The following KIF27 variants were observed in gnomAD, a reference collection of about 807,000 sequenced individuals.
The protein encoded by KIF27 is kinesin-like protein KIF27.
In KIF27, 84 loss-of-function variants were observed where a neutral mutation model predicts 141.8. The ratio of observed to expected loss-of-function variants is 0.59; its 90% CI spans 0.50 to 0.71. KIF27 has a LOEUF of 0.71. Among genes scored for constraint, KIF27 ranks in the 30% least tolerant of loss-of-function variants. KIF27 has a pLI of 0.00. For synonymous variants in KIF27, 471 were observed against 569.5 expected (o/e 0.83, Z 2.46); for missense variants, 1,306 against 1,628.4 (o/e 0.80, Z 3.41).
rs1564287949 is a variant in KIF27 at position 83,848,323 on chromosome 9, CTATA to C, written c.3556+1772_3556+1775del. Among the ~76,000 whole-genome samples the C allele has an allele frequency of 5.8e-5, 5 of 86,754 alleles. No individual in the cohort carries two copies. The South Asian group carries it at 1.6e-3, about 28-fold the overall frequency. The allele number at this position is 86,754 out of a possible 152,430, so 56.9% of individuals were successfully genotyped here. ...ATGATATATATGATATATCATATATCTATATATCTATATATATCTATGTATCTAT... is the reference window on the plus strand; with the variant it reads ...ATGATATATATGATATATCATATATCTATCTATATATATCTATGTATCTAT... On this transcript the variant is annotated intron_variant, in intron 16 of 17. Coordinates refer to ENST00000297814, the MANE Select transcript of KIF27 (RefSeq NM_017576.4).
chr9:83,852,662 T>C (rs1443245351), intron 15 of KIF27, among the ~76,000 whole-genome samples: 1 of 152,202 alleles, frequency 6.6e-6, no homozygotes, highest in African/African-American at 2.4e-5. Flanking sequence ...CAGGCTGTTG[T>C]TCTGTTGCCC....
intron 2 of KIF27, among the ~76,000 whole-genome samples, chr9:83,914,929 C>T (rs947788523): frequency 1.3e-5 from 2 of 152,164 alleles, no homozygotes; most frequent in African/African-American, 4.8e-5. Flanking sequence ...CCTACGGTCC[C>T]TAAGTCCTGA....
At position 83,863,994 on chromosome 9, in the gene KIF27, T is replaced by C. The variant is rs540105431; in HGVS notation, c.2934+3690A>G. Among the ~76,000 whole-genome samples, 3 of 152,320 alleles carry C rather than the reference T, an allele frequency of 2.0e-5. No homozygotes were observed. The South Asian group carries it at 6.2e-4, about 32-fold the overall frequency. Reference sequence around the variant, plus strand: ...TGTTTATAGTATTCTCTGATGGTAGTTTGTATTTCTGTGGGATCGGTGGTG... The same window carrying C: ...TGTTTATAGTATTCTCTGATGGTAGCTTGTATTTCTGTGGGATCGGTGGTG... On this transcript the variant is annotated intron_variant, in intron 13 of 17. Transcript: ENST00000297814.
chr9:83,859,323 C>G lies in KIF27; in HGVS notation c.2983G>C (p.Glu995Gln), dbSNP rs749998476. The G allele has an allele frequency of 1.2e-5, 20 of 1,614,064 alleles. No individual in the cohort carries two copies. Among genetic ancestry groups the G allele is most frequent in the Non-Finnish European group, 1.7e-5 (20 of 1,180,010 alleles). ...ACATTCTTTTCAGACAACTCTTGTT[C>G]CAGTAAGTTCAGGCGAGTTGATATT... Reference protein sequence around the residue: ...LKISTRLNLLEQELSEKNVQL... With the variant: ...LKISTRLNLLQQELSEKNVQL... Residue 995 changes from glutamate (E) to glutamine (Q), a missense_variant, in exon 14 of 18, where the codon GAA (glutamate) becomes CAA (glutamine). This residue lies in a region of KIF27 where 596 missense variants were observed against 751.6 expected (regional missense o/e 0.79). Transcript: ENST00000297814.
chr9:83,908,655 G>A lies in KIF27; in HGVS notation c.299-3C>T, dbSNP rs373519233. On this transcript the variant is annotated splice_region_variant and splice_polypyrimidine_tract_variant and intron_variant, in intron 2 of 17. Coordinates refer to ENST00000297814, the MANE Select transcript of KIF27 (RefSeq NM_017576.4). ...CTTTTGGCCCTCCACAACTGAAGCT[G>A]AAAATTTAGAAAAAGAAAGCACATC... 10 of 1,558,104 alleles carry A rather than the reference G, an allele frequency of 6.4e-6. No homozygotes were observed. Among genetic ancestry groups the A allele is most frequent in the Non-Finnish European group, 8.7e-6 (10 of 1,153,572 alleles).
Position 83,891,828 on chromosome 9 carries a change from G to A in KIF27, c.1603-327C>T, listed in dbSNP as rs1952711414. ...ATCTTTATTAAAGTATGGACTTTCT[G>A]AGTGAAATCCAAGAAGTAAAAAGAA... On this transcript the variant is annotated intron_variant, in intron 5 of 17. Transcript: ENST00000297814. 2.0e-5 allele frequency among the ~76,000 whole-genome samples: 3 copies of A among 152,340 alleles called. No homozygotes were observed. The South Asian group carries it at 6.2e-4, about 32-fold the overall frequency.
At chr9:83,920,101 C>T (rs1325912395) in intron 1 of KIF27, among the ~76,000 whole-genome samples, 1 of 152,070 alleles carries the variant, frequency 6.6e-6, no homozygotes, top group Admixed American at 6.6e-5. Flanking sequence ...GCTGTGGTGA[C>T]GCACCTGTAG....
In KIF27 at chr9:83,836,118, T is replaced by C. The variant is rs1280163135; in HGVS notation, c.*883A>G. ...GTGCAAAGCCTGACTAAGGAGGTTA[T>C]AGAAAAAAATATCAGACTTAAGCCC... On this transcript the variant is annotated 3_prime_UTR_variant, in exon 18 of 18. Coordinates refer to ENST00000297814, the MANE Select transcript of KIF27 (RefSeq NM_017576.4). 6.6e-6 allele frequency among the ~76,000 whole-genome samples: 1 copy of C among 152,154 alleles called. No homozygotes were observed. Among genetic ancestry groups the C allele is most frequent in the Non-Finnish European group, 1.5e-5 (1 of 68,026 alleles).
intron 10 of KIF27, among the ~76,000 whole-genome samples, chr9:83,881,249 A>G (rs1040140728): frequency 2.5e-4 from 38 of 152,188 alleles, no homozygotes; most frequent in African/African-American, 9.2e-4. Context: ...AATATAAAAT[A>G]CTTGTGTTAC....
intron 6 of KIF27, 113 bp from the exon 7 acceptor site, chr9:83,889,366 T>C: frequency 2.4e-6 from 2 of 851,060 alleles, no homozygotes; most frequent in Non-Finnish European, 3.5e-6. Context: ...ACTCTTAAAA[T>C]AGCCAATCAC....
chr9:83,906,481 C>T (rs527931856), intron 3 of KIF27, among the ~76,000 whole-genome samples: 3 of 152,222 alleles, frequency 2.0e-5, no homozygotes, highest in Admixed American at 1.3e-4. Flanking sequence ...TGGCTCACCC[C>T]TGTAATTCTA....
In KIF27 at chr9:83,837,220, C is replaced by G; in HGVS notation, c.3987G>C (p.Gln1329His). The change falls in exon 18 of 18, where the codon CAG becomes CAC. Residue 1329 changes from glutamine (Q) to histidine (H), a missense_variant. Coordinates refer to ENST00000297814, the MANE Select transcript of KIF27 (RefSeq NM_017576.4). The stretch of plus-strand genomic sequence containing the variant: ...ACAGTCGACTGTGAGATTTTGTAAA[C>G]TGATTATCATCTGTTTCTGTTTTAT... The part of the protein sequence containing the change: ...NENKTETDDN[Q>H]FTKSHSRLSS... 6.2e-7 allele frequency: 1 copy of G among 1,613,738 alleles called. No individual in the cohort carries two copies.
At chr9:83,838,522 AC>A (rs1946181080) in intron 17 of KIF27, among the ~76,000 whole-genome samples, 1 of 152,190 alleles carries the variant, frequency 6.6e-6, no homozygotes, top group Non-Finnish European at 1.5e-5. Context: ...GGCATGAGCC[AC>A]CGCACCTGGC....
chr9:83,852,250 C>G, intron 15 of KIF27, among the ~76,000 whole-genome samples: 1 of 151,232 alleles, frequency 6.6e-6, no homozygotes. Flanking sequence ...TCGAGACCAT[C>G]CCTGTCTAAC....
intron 13 of KIF27, among the ~76,000 whole-genome samples, chr9:83,865,517 G>A (rs562574784): frequency 7.2e-5 from 11 of 152,106 alleles, no homozygotes; most frequent in Non-Finnish European, 1.2e-4. Context: ...GGCTGGTGTC[G>A]AACTCCTGAC....
chr9:83,865,210 A>G (rs566636096), intron 13 of KIF27, among the ~76,000 whole-genome samples: 2 of 152,098 alleles, frequency 1.3e-5, no homozygotes, highest in East Asian at 3.9e-4. Flanking sequence ...GGCTTTCTGG[A>G]TTTATCTGCC....
intron 15 of KIF27, among the ~76,000 whole-genome samples, chr9:83,851,526 A>T (rs2131703159): frequency 6.6e-6 from 1 of 152,196 alleles, no homozygotes; most frequent in African/African-American, 2.4e-5. Context: ...TAAGTTTTTT[A>T]AAAAATATTT....
chr9:83,891,209 C>A, intron 6 of KIF27, 86 bp downstream of exon 6: 2 of 1,058,816 alleles, frequency 1.9e-6, no homozygotes, highest in Non-Finnish European at 2.8e-6. Flanking sequence ...AAAAAATCTG[C>A]TGAGACTGTA....
At chr9:83,864,298 CTT>C (rs1950180774) in intron 13 of KIF27, among the ~76,000 whole-genome samples, 1 of 152,208 alleles carries the variant, frequency 6.6e-6, no homozygotes, top group Admixed American at 6.5e-5. Context: ...CCTGCTTTCT[CTT>C]GTCGGCATTT....
Sources: gnomAD v4.1 joint callset for allele counts (sites outside exome capture counted in the v4.1 genomes callset) on GRCh38, gnomAD v4.1.1 for gene constraint, gnomAD v4.1.1 regional missense constraint, MANE v1.5 for transcripts, NCBI Gene and HGNC (gene_info 2026-07-23, HGNC 2026-07-21) for gene names.